The following PDZD2 variants were observed in gnomAD, a reference collection of about 807,000 sequenced individuals.
PDZD2 encodes PDZ domain-containing protein 2.
In PDZD2, 90 loss-of-function variants were observed where a neutral mutation model predicts 220.7. The ratio of observed to expected loss-of-function variants is 0.41; its 90% CI spans 0.34 to 0.49. The LOEUF is 0.49. Among genes scored for constraint, PDZD2 ranks in the 20% least tolerant of loss-of-function variants. PDZD2 has a pLI of 0.28. For synonymous variants in PDZD2, 1,375 were observed against 1,450.5 expected, an observed-to-expected ratio of 0.95 and a Z score of 1.18; for missense variants, 3,174 against 3,608.5, an observed-to-expected ratio of 0.88 and a Z score of 3.08.
rs74412270 is a variant in PDZD2, at chr5:31,885,289, A to C, written c.476+85565A>C. 2.9e-3 allele frequency among the ~76,000 whole-genome samples: 442 copies of C among 152,052 alleles called. 1 individual carries two copies. Among genetic ancestry groups the C allele is most frequent in the Non-Finnish European group, 5.5e-3 (372 of 67,998 alleles). Reference sequence around the variant, plus strand: ...TCCAATTTAGACAATGTTAGAATTAAGGTTAGGCTTAGGTAAAAAATTAAG... The same window carrying C: ...TCCAATTTAGACAATGTTAGAATTACGGTTAGGCTTAGGTAAAAAATTAAG... On this transcript the variant is annotated intron_variant, in intron 2 of 24. Transcript: ENST00000438447.
chr5:31,734,413 G>A (rs1213056622), intron 1 of PDZD2, among the ~76,000 whole-genome samples: 7 of 152,066 alleles, frequency 4.6e-5, no homozygotes, highest in African/African-American at 9.7e-5. Context: ...TCTGCCTCCC[G>A]GGTTCAAGCG....
chr5:31,837,310 C>G (rs528668290), intron 2 of PDZD2, among the ~76,000 whole-genome samples: 3 of 152,166 alleles, frequency 2.0e-5, no homozygotes, highest in African/African-American at 7.2e-5. Flanking sequence ...CCTTTGGGTA[C>G]CAGGGGGAGC....
At chr5:31,790,691 A>ATTTT (rs869296191) in intron 1 of PDZD2, among the ~76,000 whole-genome samples, 956 of 75,480 alleles carry the variant, frequency 0.013, 97 homozygotes, top group East Asian at 0.075. Context: ...TATCTCTCTA[A>ATTTT]TTTTTTTTTT....
intron 6 of PDZD2, among the ~76,000 whole-genome samples, chr5:32,012,132 C>T (rs997910769): frequency 1.3e-5 from 2 of 152,184 alleles, no homozygotes; most frequent in African/African-American, 2.4e-5. Context: ...CAGGGGGTTC[C>T]TCATTGCTCT....
At chr5:31,975,405 T>C (rs1173086047) in intron 2 of PDZD2, among the ~76,000 whole-genome samples, 1 of 152,202 alleles carries the variant, frequency 6.6e-6, no homozygotes, top group Non-Finnish European at 1.5e-5. Flanking sequence ...ATGATTCAGT[T>C]ACCTCCCACC....
chr5:31,836,228 C>CTT (rs34323361), intron 2 of PDZD2, among the ~76,000 whole-genome samples: 9,007 of 122,010 alleles, frequency 0.074, 1,298 homozygotes, highest in African/African-American at 0.25. Flanking sequence ...ATTTTATTGG[C>CTT]TTTTTTTTTT....
rs1738656762 is a variant in PDZD2, at chr5:32,052,465, G to A, written c.1666-146G>A. On this transcript the variant is annotated intron_variant, in intron 8 of 24. Coordinates refer to ENST00000438447, the MANE Select transcript of PDZD2 (RefSeq NM_178140.4). ...CCAGCACCTGCGATAGTATTTATAG[G>A]AAACTTTTTTAAGTCACTGAACCAG... 4 of 761,484 alleles carry A rather than the reference G, an allele frequency of 5.3e-6. No individual in the cohort carries two copies. The East Asian group carries it at 7.7e-5, about 15-fold the overall frequency. 47.2% of individuals were successfully genotyped at this position (761,484 alleles called of 1,614,324 possible).
intron 2 of PDZD2, among the ~76,000 whole-genome samples, chr5:31,922,164 T>C (rs1333540744): frequency 6.6e-6 from 1 of 152,236 alleles, no homozygotes; most frequent in Non-Finnish European, 1.5e-5. Flanking sequence ...TTTCCATATA[T>C]GACCCAACTT....
chr5:31,639,936 A>T lies in PDZD2; in HGVS notation c.-361+499A>T, dbSNP rs1399445950. On this transcript the variant is annotated intron_variant, in intron 1 of 24. Coordinates refer to ENST00000438447, the MANE Select transcript of PDZD2 (RefSeq NM_178140.4). This position sits in a 1 kb window ranked among gnomAD's most constrained non-coding sequence, Gnocchi z 4.1. ...CAGATGAGACGTTAGACGCGGGGCG[A>T]GGGAATGCAGGGGGCGCGCAAAGAT... 6.6e-6 allele frequency among the ~76,000 whole-genome samples: 1 copy of T among 152,010 alleles called. No individual in the cohort carries two copies. The highest frequency in any genetic ancestry group is 2.4e-5 in the African/African-American group (1 of 41,412).
intron 1 of PDZD2, among the ~76,000 whole-genome samples, chr5:31,715,917 G>A (rs1454581927): frequency 2.0e-5 from 3 of 152,288 alleles, no homozygotes; most frequent in Non-Finnish European, 4.4e-5. Flanking sequence ...GATTCTTGAC[G>A]TTGATGTAGC....
chr5:31,978,030 G>A (rs192450420), intron 2 of PDZD2, among the ~76,000 whole-genome samples: 512 of 152,232 alleles, frequency 3.4e-3, no homozygotes, highest in African/African-American at 0.011. Flanking sequence ...ACTCAGAACC[G>A]CATTTCTGGA....
At chr5:32,101,772 C>T (rs1744273999) in intron 24 of PDZD2, among the ~76,000 whole-genome samples, 1 of 152,162 alleles carries the variant, frequency 6.6e-6, no homozygotes, top group Non-Finnish European at 1.5e-5. Flanking sequence ...TATTGAAATG[C>T]TTGGTAAATA....
chr5:31,946,902 C>T (rs920586978), intron 2 of PDZD2, among the ~76,000 whole-genome samples: 4 of 152,150 alleles, frequency 2.6e-5, no homozygotes, highest in Admixed American at 6.5e-5. Flanking sequence ...TGGGTCTTAA[C>T]GACATTGCCC....
intron 2 of PDZD2, among the ~76,000 whole-genome samples, chr5:31,857,366 C>T (rs1035668272): frequency 3.0e-4 from 45 of 152,194 alleles, no homozygotes; most frequent in African/African-American, 9.4e-4. Flanking sequence ...TGTAGCATCC[C>T]GTGTGTTTTA....
At chr5:31,664,084 C>A (rs538315874) in intron 1 of PDZD2, among the ~76,000 whole-genome samples, 26 of 152,272 alleles carry the variant, frequency 1.7e-4, no homozygotes, top group Non-Finnish European at 3.7e-4. Context: ...ACATTATCTA[C>A]AATTGAATAA....
At chr5:32,041,305 C>G (rs998673694) in intron 7 of PDZD2, among the ~76,000 whole-genome samples, 1 of 152,018 alleles carries the variant, frequency 6.6e-6, no homozygotes, top group African/African-American at 2.4e-5. Flanking sequence ...GCATCTCTGC[C>G]CGGCTGCCCC....
chr5:32,063,512 G>A lies in PDZD2; in HGVS notation c.2451+2378G>A, dbSNP rs112782807. ...GCCCTGGGGGTGAATTGGGATGGGT[G>A]TGGAGGTTGTGAAGCAGGCAGGCAG... is the stretch of plus-strand genomic sequence containing the variant. On this transcript the variant is annotated intron_variant, in intron 14 of 24. Coordinates refer to ENST00000438447, the MANE Select transcript of PDZD2 (RefSeq NM_178140.4). 9.3e-3 allele frequency among the ~76,000 whole-genome samples: 1,421 copies of A among 152,296 alleles called. 24 individuals carry two copies. The highest frequency in any genetic ancestry group is 0.033 in the African/African-American group (1,364 of 41,568).
intron 1 of PDZD2, among the ~76,000 whole-genome samples, chr5:31,679,459 G>C (rs1404905299): frequency 7.2e-6 from 1 of 138,654 alleles, no homozygotes; most frequent in Non-Finnish European, 1.6e-5. Context: ...GATGCTTCTT[G>C]TTGTACTGTG....
At chr5:31,645,108 A>G (rs1010507414) in intron 1 of PDZD2, among the ~76,000 whole-genome samples, 2 of 152,144 alleles carry the variant, frequency 1.3e-5, no homozygotes, top group Non-Finnish European at 2.9e-5. Flanking sequence ...AAAAATCACA[A>G]ATTCTTAAGG....
Sources: allele counts gnomAD v4.1 joint callset (sites outside exome capture counted in the v4.1 genomes callset), GRCh38; gene constraint gnomAD v4.1.1; non-coding constraint Gnocchi (gnomAD v3.1); transcripts MANE v1.5; gene names NCBI Gene and HGNC (gene_info 2026-07-23, HGNC 2026-07-21).